SOX5: variants seen among roughly 807,000 people sequenced by gnomAD.
SOX5 encodes the protein transcription factor SOX-5.
A neutral mutation model predicts 92.0 loss-of-function variants in SOX5; 9 were observed. The ratio of observed to expected loss-of-function variants is 0.10; its 90% CI spans 0.06 to 0.17. The LOEUF (loss-of-function observed/expected upper bound fraction) is 0.17, where lower values mean the gene tolerates loss of function less well. Among genes scored for constraint, SOX5 ranks in the 10% least tolerant of loss-of-function variants. The pLI is 1.00. For synonymous variants in SOX5, 344 were observed against 336.3 expected (o/e 1.02, Z -0.25); for missense variants, 642 against 944.5 (o/e 0.68, Z 4.20).
At chr12:23,868,781 C>T (rs1447785904) in intron 2 of SOX5, among the ~76,000 whole-genome samples, 1 of 151,946 alleles carries the variant, frequency 6.6e-6, no homozygotes, top group Non-Finnish European at 1.5e-5. Context: ...CAGTATTAGG[C>T]TTTTTTATTC....
intron 4 of SOX5, among the ~76,000 whole-genome samples, chr12:24,132,005 C>G (rs1396017874): frequency 6.6e-6 from 1 of 152,120 alleles, no homozygotes; most frequent in Non-Finnish European, 1.5e-5. Context: ...TCCTTGTTAT[C>G]ATTTCATTGA....
chr12:24,183,249 T>G (rs1326135309), intron 4 of SOX5, among the ~76,000 whole-genome samples: 1 of 152,208 alleles, frequency 6.6e-6, no homozygotes, highest in Non-Finnish European at 1.5e-5. Flanking sequence ...ACTATTGGAA[T>G]TATCTTCCAA....
At chr12:23,929,233 C>G (rs1024922677) in intron 1 of SOX5, among the ~76,000 whole-genome samples, 18 of 151,776 alleles carry the variant, frequency 1.2e-4, no homozygotes, top group African/African-American at 4.1e-4. Context: ...AACCAACAAA[C>G]TAATATAAAC....
chr12:24,491,920 T>C (rs535586584), intron 1 of SOX5, among the ~76,000 whole-genome samples: 1 of 152,212 alleles, frequency 6.6e-6, no homozygotes, highest in African/African-American at 2.4e-5. Flanking sequence ...AGCCAGCAGG[T>C]TGCCACATGT....
At chr12:23,606,921 C>T (rs1047307917) in intron 8 of SOX5, among the ~76,000 whole-genome samples, 3 of 152,020 alleles carry the variant, frequency 2.0e-5, no homozygotes, top group Admixed American at 2.0e-4. Context: ...TCTATAATAA[C>T]AGTATAATAT....
chr12:24,215,418 A>G lies in SOX5; in HGVS notation c.-76-2001T>C, dbSNP rs116205270. On this transcript the variant is annotated intron_variant, in intron 3 of 4. Coordinates refer to the SOX5 transcript ENST00000446891. The stretch of plus-strand genomic sequence containing the variant: ...GTTCAGTAAGGTTGCAGGATAGTTG[A>G]TCAATATATAAAAATCAATTGTATT... 2.1e-3 allele frequency among the ~76,000 whole-genome samples: 321 copies of G among 152,266 alleles called. 2 individuals are homozygous for G. Among genetic ancestry groups the G allele is most frequent in the African/African-American group, 7.0e-3 (291 of 41,584 alleles).
At chr12:24,512,678 C>T (rs1949431240) in intron 1 of SOX5, among the ~76,000 whole-genome samples, 1 of 152,184 alleles carries the variant, frequency 6.6e-6, no homozygotes, top group Non-Finnish European at 1.5e-5. Flanking sequence ...ACAGAATCAC[C>T]TTGGGCAAGT....
intron 4 of SOX5, among the ~76,000 whole-genome samples, chr12:24,074,635 A>AT (rs1942279252): frequency 6.7e-6 from 1 of 149,646 alleles, no homozygotes; most frequent in African/African-American, 2.5e-5. Flanking sequence ...ACTACCAAAA[A>AT]AAAAAAAAAA....
At chr12:24,422,024 A>G (rs1965989962) in intron 1 of SOX5, among the ~76,000 whole-genome samples, 1 of 152,226 alleles carries the variant, frequency 6.6e-6, no homozygotes, top group Non-Finnish European at 1.5e-5. Flanking sequence ...CCCATCTGTA[A>G]AGGTTGACTG....
chr12:24,172,952 T>G (rs1954368472), intron 4 of SOX5, among the ~76,000 whole-genome samples: 1 of 152,226 alleles, frequency 6.6e-6, no homozygotes, highest in Non-Finnish European at 1.5e-5. Context: ...TTTCATAAAT[T>G]AGGTGCTTCT....
chr12:24,104,934 G>T (rs2138036986), intron 4 of SOX5, among the ~76,000 whole-genome samples: 1 of 152,286 alleles, frequency 6.6e-6, no homozygotes, highest in East Asian at 1.9e-4. Flanking sequence ...GTCCTGTCAG[G>T]TTTGAAATAT....
At chr12:24,430,848 G>A (rs1938164795) in intron 1 of SOX5, among the ~76,000 whole-genome samples, 2 of 152,072 alleles carry the variant, frequency 1.3e-5, no homozygotes. Context: ...AGACGGTTCT[G>A]CCACCAATTT....
At chr12:24,312,405 C>T (rs890328267) in intron 2 of SOX5, among the ~76,000 whole-genome samples, 1 of 152,204 alleles carries the variant, frequency 6.6e-6, no homozygotes, top group African/African-American at 2.4e-5. Context: ...TGAGGTCCTA[C>T]ATCAAGCTTT....
chr12:24,164,464 G>T (rs546254226), intron 4 of SOX5, among the ~76,000 whole-genome samples: 2 of 151,972 alleles, frequency 1.3e-5, no homozygotes, highest in Non-Finnish European at 2.9e-5. Context: ...TTACCAAGGA[G>T]AAAAATAGTA....
chr12:24,165,434 A>G (rs966045922), intron 4 of SOX5, among the ~76,000 whole-genome samples: 1 of 152,186 alleles, frequency 6.6e-6, no homozygotes, highest in African/African-American at 2.4e-5. Context: ...ATATCAGACT[A>G]TTCTAGATTA....
At chr12:23,871,527 T>C (rs2096872075) in intron 2 of SOX5, among the ~76,000 whole-genome samples, 2 of 152,164 alleles carry the variant, frequency 1.3e-5, no homozygotes, top group African/African-American at 4.8e-5. Flanking sequence ...AGGAGCTACA[T>C]ATAAAAGACA....
chr12:24,022,310 TGA>T (rs1954386289), intron 4 of SOX5, among the ~76,000 whole-genome samples: 1 of 152,102 alleles, frequency 6.6e-6, no homozygotes, highest in Non-Finnish European at 1.5e-5. Context: ...GCCTCTTGTC[TGA>T]GAGAGCATGA....
chr12:24,078,823 T>G (rs570420937), intron 4 of SOX5, among the ~76,000 whole-genome samples: 1 of 152,092 alleles, frequency 6.6e-6, no homozygotes, highest in Non-Finnish European at 1.5e-5. Context: ...TTCTAGAATA[T>G]GTATCTTTAC....
chr12:24,361,949 T>G (rs1441389658), intron 2 of SOX5, among the ~76,000 whole-genome samples: 7 of 152,242 alleles, frequency 4.6e-5, no homozygotes, highest in Non-Finnish European at 2.9e-5. Context: ...GGGCAGAGAC[T>G]GGAGTGATCT....
Sources: gnomAD v4.1 joint callset for allele counts (sites outside exome capture counted in the v4.1 genomes callset) on GRCh38, gnomAD v4.1.1 for gene constraint, MANE v1.5 for transcripts, NCBI Gene and HGNC (gene_info 2026-07-23, HGNC 2026-07-21) for gene names.